NHLRC2: variants seen among roughly 807,000 people sequenced by gnomAD.
NHLRC2 encodes the protein NHL repeat-containing protein 2.
A neutral mutation model predicts 68.1 loss-of-function variants in NHLRC2; 33 were observed. The ratio of observed to expected loss-of-function variants is 0.48; its 90% CI spans 0.37 to 0.65. The LOEUF (loss-of-function observed/expected upper bound fraction) is 0.65, where lower values mean the gene tolerates loss of function less well. Among genes scored for constraint, NHLRC2 ranks in the 30% least tolerant of loss-of-function variants. The pLI is 0.00. For synonymous variants in NHLRC2, 311 were observed against 309.6 expected, an observed-to-expected ratio of 1.00 and a Z score of -0.05; for missense variants, 761 against 853.8, an observed-to-expected ratio of 0.89 and a Z score of 1.35.
intron 1 of NHLRC2, among the ~76,000 whole-genome samples, chr10:113,857,513 C>G (rs1198928829): frequency 6.6e-6 from 1 of 151,992 alleles, no homozygotes; most frequent in East Asian, 1.9e-4. Flanking sequence ...TAATCATTAG[C>G]TGTTACTGTT....
At chr10:113,885,726 A>G (rs899330416) in intron 5 of NHLRC2, among the ~76,000 whole-genome samples, 1 of 152,090 alleles carries the variant, frequency 6.6e-6, no homozygotes, top group African/African-American at 2.4e-5. Flanking sequence ...CAGAATATGT[A>G]CAATATAATT....
At position 113,872,380 on chromosome 10, in the gene NHLRC2, G is replaced by T. The variant is rs148181135; in HGVS notation, c.332-4141G>T. On this transcript the variant is annotated intron_variant, in intron 2 of 10. Transcript: ENST00000369301. ...CACTCTCAAACTAGGAACCCTATTC[G>T]CAAAATGAACAGGAATAGAAAAAAG... Among the ~76,000 whole-genome samples, 362 of 152,104 alleles carry T rather than the reference G, an allele frequency of 2.4e-3. 3 individuals are homozygous for T. The highest frequency in any genetic ancestry group is 0.01 in the Middle Eastern group (3 of 294).
Position 113,916,552 on chromosome 10 carries a change from T to A in NHLRC2, c.*8016T>A, listed in dbSNP as rs1359376990. The A allele has an allele frequency of 6.6e-6, 1 of 152,220 alleles. No homozygotes were observed. The highest frequency in any genetic ancestry group is 1.5e-5 in the Non-Finnish European group (1 of 68,024). 9.4% of individuals were successfully genotyped at this position (152,220 alleles called of 1,614,324 possible). A position where few individuals can be genotyped will look rare whatever the true frequency, so the allele number is the denominator to read the frequency against. Reference sequence around the variant, plus strand: ...ATAGGCTGTTTTTTTTAAGTTTAAATTCTCACTGTTAAGTTGCATTGAGAG... The same window carrying A: ...ATAGGCTGTTTTTTTTAAGTTTAAAATCTCACTGTTAAGTTGCATTGAGAG... On this transcript the variant is annotated 3_prime_UTR_variant, in exon 11 of 11. Coordinates refer to ENST00000369301, the MANE Select transcript of NHLRC2 (RefSeq NM_198514.4).
At position 113,916,721 on chromosome 10, in the gene NHLRC2, G is replaced by A. The variant is rs1264071885; in HGVS notation, c.*8185G>A. 1 of 152,108 alleles carries A rather than the reference G, an allele frequency of 6.6e-6. No homozygotes were observed. Among genetic ancestry groups the A allele is most frequent in the Non-Finnish European group, 1.5e-5 (1 of 67,994 alleles). The allele number at this position is 152,108 out of a possible 1,614,324, so 9.4% of individuals were successfully genotyped here. A position where few individuals can be genotyped will look rare whatever the true frequency, so the allele number is the denominator to read the frequency against. On this transcript the variant is annotated 3_prime_UTR_variant, in exon 11 of 11. Coordinates refer to ENST00000369301, the MANE Select transcript of NHLRC2 (RefSeq NM_198514.4). ...TCAAACTCTTTCCCATCTTTTGTAT[G>A]GATAAAGTTTATGGTTTCATTTCTG...
chr10:113,870,974 G>A (rs1845917920), intron 2 of NHLRC2, among the ~76,000 whole-genome samples: 1 of 149,514 alleles, frequency 6.7e-6, no homozygotes, highest in Non-Finnish European at 1.5e-5. Context: ...GTATATAAAG[G>A]CTACTGATTT....
Position 113,855,013 on chromosome 10 carries a change from C to T in NHLRC2, c.141C>T (p.Gly47=). Residue 47 remains glycine, a synonymous_variant, in exon 1 of 11, where the codon GGC becomes GGT. Transcript: ENST00000369301. ...LVYQYLQKVD[G]WEQDLSVPEF... ...ACCAGTATCTGCAGAAGGTGGACGG[C>T]TGGGAGCAGGACTTGTCAGTACCCG... 1 of 1,553,364 alleles carries T rather than the reference C, an allele frequency of 6.4e-7. No homozygotes were observed. Among genetic ancestry groups the T allele is most frequent in the South Asian group, 1.2e-5 (1 of 84,154 alleles).
chr10:113,914,413 C>T lies in NHLRC2; in HGVS notation c.*5877C>T, dbSNP rs1218195000. On this transcript the variant is annotated 3_prime_UTR_variant, in exon 11 of 11. Coordinates refer to ENST00000369301, the MANE Select transcript of NHLRC2 (RefSeq NM_198514.4). ...GAACTCCTGACCTCAGGTGATCTGC[C>T]TGCCTTGGCCTTCCAAAGTGCTGGG... 6.5e-6 allele frequency: 1 copy of T among 152,976 alleles called. No homozygotes were observed. The highest frequency in any genetic ancestry group is 1.5e-5 in the Non-Finnish European group (1 of 68,662). The allele number at this position is 152,976 out of a possible 1,614,324, so 9.5% of individuals were successfully genotyped here.
intron 2 of NHLRC2, among the ~76,000 whole-genome samples, chr10:113,865,370 TA>T (rs1259661873): frequency 6.7e-6 from 1 of 149,806 alleles, no homozygotes; most frequent in Non-Finnish European, 1.5e-5. Context: ...ACTCACTTGT[TA>T]ATGTGGTGGA....
intron 5 of NHLRC2, among the ~76,000 whole-genome samples, chr10:113,888,390 A>G (rs1237663261): frequency 1.3e-5 from 2 of 152,234 alleles, no homozygotes; most frequent in African/African-American, 4.8e-5. Context: ...TACAGTATAC[A>G]CATAGATCAA....
At chr10:113,890,199 GCTGGCAGTGATTTTT>G (rs1339285929) in intron 5 of NHLRC2, among the ~76,000 whole-genome samples, 15 of 152,292 alleles carry the variant, frequency 9.8e-5, no homozygotes, top group Non-Finnish European at 1.8e-4. Context: ...ACACAGGTCT[GCTGGCAGTGATTTTT>G]CTTGCCTTTA....
chr10:113,915,638 A>T lies in NHLRC2; in HGVS notation c.*7102A>T, dbSNP rs1475891943. 8.6e-6 allele frequency: 2 copies of T among 232,398 alleles called. No individual in the cohort carries two copies. The highest frequency in any genetic ancestry group is 1.7e-5 in the Non-Finnish European group (2 of 118,520). The allele number at this position is 232,398 out of a possible 1,614,324, so 14.4% of individuals were successfully genotyped here. On this transcript the variant is annotated 3_prime_UTR_variant, in exon 11 of 11. Coordinates refer to ENST00000369301, the MANE Select transcript of NHLRC2 (RefSeq NM_198514.4). ...TAAAATAGTTTTTTTTTCCCTTCCC[A>T]TTTTTTTGTTTTTAAGAGATAGGGT...
At chr10:113,879,518 T>C in intron 3 of NHLRC2, 56 bp from the exon 4 acceptor site, 1 of 1,465,556 alleles carries the variant, frequency 6.8e-7, no homozygotes, top group Non-Finnish European at 9.3e-7. Flanking sequence ...TTGTTTTGTT[T>C]TGTTTTGTTT....
At chr10:113,868,852 C>T (rs1845895364) in intron 2 of NHLRC2, among the ~76,000 whole-genome samples, 1 of 152,120 alleles carries the variant, frequency 6.6e-6, no homozygotes, top group Admixed American at 6.5e-5. Context: ...TAGGTGAGAA[C>T]AGATGAGAAC....
At chr10:113,868,396 C>T (rs1329377177) in intron 2 of NHLRC2, among the ~76,000 whole-genome samples, 1 of 152,070 alleles carries the variant, frequency 6.6e-6, no homozygotes, top group Non-Finnish European at 1.5e-5. Context: ...TTTCAGTATG[C>T]ATGATTAACA....
At chr10:113,860,675 A>G (rs183486707) in intron 2 of NHLRC2, among the ~76,000 whole-genome samples, 241 of 152,338 alleles carry the variant, frequency 1.6e-3, no homozygotes, top group African/African-American at 5.4e-3. Context: ...ATATGGAAAA[A>G]GTTTTAAAAA....
intron 6 of NHLRC2, among the ~76,000 whole-genome samples, chr10:113,900,416 T>C (rs941592685): frequency 1.3e-5 from 2 of 152,214 alleles, no homozygotes; most frequent in African/African-American, 4.8e-5. Context: ...ATGGCTGTTT[T>C]AGGCATAGAT....
intron 2 of NHLRC2, among the ~76,000 whole-genome samples, chr10:113,863,864 A>G (rs747960034): frequency 4.6e-5 from 7 of 152,232 alleles, no homozygotes; most frequent in Non-Finnish European, 7.3e-5. Context: ...GATAACCTAG[A>G]TGAAGTAGAC....
intron 2 of NHLRC2, among the ~76,000 whole-genome samples, chr10:113,871,689 A>G (rs1845927320): frequency 6.6e-6 from 1 of 152,200 alleles, no homozygotes; most frequent in South Asian, 2.1e-4. Flanking sequence ...AATAAACCTA[A>G]TGATTAAAAA....
Position 113,913,210 on chromosome 10 carries a change from AGTCT to A in NHLRC2, c.*4677_*4680del, listed in dbSNP as rs1846345765. 1 of 152,186 alleles carries A rather than the reference AGTCT, an allele frequency of 6.6e-6. No individual in the cohort carries two copies. Among genetic ancestry groups the A allele is most frequent in the Admixed American group, 6.5e-5 (1 of 15,282 alleles). 9.4% of individuals were successfully genotyped at this position (152,186 alleles called of 1,614,324 possible). A position where few individuals can be genotyped will look rare whatever the true frequency, so the allele number is the denominator to read the frequency against. On this transcript the variant is annotated 3_prime_UTR_variant, in exon 11 of 11. Transcript: ENST00000369301. The stretch of plus-strand genomic sequence containing the variant: ...TAGCGAGTGGCAGGGCCTGGATGGG[AGTCT>A]GTTCAACTCTCTGCTGTATTGCCTC...
Sources: gnomAD v4.1 joint callset for allele counts (sites outside exome capture counted in the v4.1 genomes callset) on GRCh38, gnomAD v4.1.1 for gene constraint, MANE v1.5 for transcripts, NCBI Gene and HGNC (gene_info 2026-07-23, HGNC 2026-07-21) for gene names.